The following FAAH2 variants were observed in gnomAD, a reference collection of about 807,000 sequenced individuals.
FAAH2 encodes fatty-acid amide hydrolase 2.
Under a neutral mutation model 36.9 loss-of-function variants are expected in FAAH2, and 60 were observed. The observed-to-expected ratio is 1.63, with a 90% CI of 1.32 to 2.02. The LOEUF (loss-of-function observed/expected upper bound fraction) is 2.02. Ranked by LOEUF, FAAH2 falls within the 30% of genes most tolerant of loss-of-function variation. The pLI, the probability that FAAH2 is intolerant of heterozygous loss-of-function variation, is 0.00. For missense variants in FAAH2, 689 were observed against 397.5 expected (o/e 1.73, Z -6.23); for synonymous variants, 214 against 143.8 (o/e 1.49, Z -3.49).
intron 8 of FAAH2, among the ~76,000 whole-genome samples, chrX:57,437,539 A>G (rs1325436859): frequency 9.1e-6 from 1 of 109,734 alleles, no homozygotes; most frequent in Non-Finnish European, 1.9e-5. Context: ...AAGTTTCAGG[A>G]TACAAAATAC....
chrX:57,471,214 C>T (rs2057158856), intron 10 of FAAH2, among the ~76,000 whole-genome samples: 1 of 111,761 alleles, frequency 8.9e-6, no homozygotes, highest in Non-Finnish European at 1.9e-5. Context: ...CTCACCATTC[C>T]TATTCAACAT....
At chrX:57,159,455 A>G in the FAAH2 span, among the ~76,000 whole-genome samples, 1 of 111,449 alleles carries the variant, frequency 9.0e-6, no homozygotes, top group Non-Finnish European at 1.9e-5. Context: ...CATGATATTG[A>G]TTCTTCCTAC....
Position 57,368,460 on chromosome X carries a change from T to C in FAAH2, c.743-10191T>C, listed in dbSNP as rs1030287912. ...CAAGCAGAGGACCAGCTGTATGCTC[T>C]CTTGGCACACAAAAGAGCTTGGTGG... On this transcript the variant is annotated intron_variant, in intron 5 of 10. Transcript: ENST00000374900. Among the ~76,000 whole-genome samples, 7 of 111,122 alleles carry C rather than the reference T, an allele frequency of 6.3e-5. No individual in the cohort carries two copies. In the East Asian group the frequency reaches 1.4e-3, roughly 23 times the overall value.
intron 7 of FAAH2, among the ~76,000 whole-genome samples, chrX:57,411,754 AC>A (rs1397171764): frequency 9.0e-6 from 1 of 111,313 alleles, no homozygotes; most frequent in African/African-American, 3.3e-5. Context: ...CTCTTTTGGC[AC>A]CAAGCTCTGT....
chrX:57,179,816 A>T, the FAAH2 span, among the ~76,000 whole-genome samples: 1 of 111,845 alleles, frequency 8.9e-6, no homozygotes, highest in Non-Finnish European at 1.9e-5. Context: ...CAGAATATAC[A>T]TTTTTTTCAC....
chrX:57,365,804 C>T (rs755397013), intron 5 of FAAH2, among the ~76,000 whole-genome samples: 1 of 112,079 alleles, frequency 8.9e-6, no homozygotes, highest in Non-Finnish European at 1.9e-5. Flanking sequence ...GGAGAAGTTT[C>T]TGAGTGCTGA....
intron 5 of FAAH2, among the ~76,000 whole-genome samples, chrX:57,358,573 A>G (rs1487146516): frequency 1.8e-5 from 2 of 111,044 alleles, no homozygotes; most frequent in Admixed American, 9.6e-5. Flanking sequence ...GTGTGTGTGT[A>G]TATATATAGA....
the FAAH2 span, chrX:57,127,120 A>G: frequency 2.7e-5 from 3 of 111,279 alleles, no homozygotes; most frequent in East Asian, 8.4e-4. Flanking sequence ...TTGCAGTTGA[A>G]GGCATCTTAA....
At chrX:57,415,450 A>T (rs1264127417) in intron 7 of FAAH2, among the ~76,000 whole-genome samples, 2 of 111,702 alleles carry the variant, frequency 1.8e-5, no homozygotes, top group Non-Finnish European at 3.8e-5. Context: ...GCTTCAAAGA[A>T]CTTCTTTACT....
chrX:57,270,428 A>C, the FAAH2 span, among the ~76,000 whole-genome samples: 1 of 112,283 alleles, frequency 8.9e-6, no homozygotes, highest in East Asian at 2.8e-4. Flanking sequence ...AGAAAACTTC[A>C]GGCCAATATC....
At chrX:57,125,093 G>A in the FAAH2 span, among the ~76,000 whole-genome samples, 1 of 112,575 alleles carries the variant, frequency 8.9e-6, no homozygotes, top group African/African-American at 3.2e-5. Flanking sequence ...AGTTTTCAAC[G>A]GGAATGCTTC....
At chrX:57,250,064 CTG>C in the FAAH2 span, among the ~76,000 whole-genome samples, 4 of 112,138 alleles carry the variant, frequency 3.6e-5, no homozygotes, top group Non-Finnish European at 7.5e-5. Flanking sequence ...ATTGAACAAA[CTG>C]TGAGCTTTAT....
the FAAH2 span, among the ~76,000 whole-genome samples, chrX:57,237,325 A>G: frequency 9.0e-6 from 1 of 110,916 alleles, no homozygotes; most frequent in Non-Finnish European, 1.9e-5. Flanking sequence ...TATTTGTTTT[A>G]TTTTTTATTC....
chrX:57,139,925 T>C, the FAAH2 span, among the ~76,000 whole-genome samples: 1 of 112,057 alleles, frequency 8.9e-6, no homozygotes, highest in Admixed American at 9.4e-5. Flanking sequence ...AGAGATTGAG[T>C]TTATGTATAT....
intron 9 of FAAH2, 105 bp downstream of exon 9, chrX:57,447,144 G>C: frequency 4.0e-6 from 2 of 499,406 alleles, no homozygotes; most frequent in Non-Finnish European, 6.4e-6. Context: ...CCAAAATCCA[G>C]TGGGGTACTG....
chrX:57,320,512 G>A (rs1201335328), intron 3 of FAAH2, among the ~76,000 whole-genome samples: 1 of 112,123 alleles, frequency 8.9e-6, no homozygotes, highest in Non-Finnish European at 1.9e-5. Flanking sequence ...TAAAAAGTCA[G>A]GAAGCAACAG....
At chrX:57,276,551 G>A in the FAAH2 span, among the ~76,000 whole-genome samples, 40,190 of 110,190 alleles carry the variant, frequency 0.36, 6,335 homozygotes, top group Middle Eastern at 0.62. Context: ...AAAGCTACCC[G>A]AAGGGAAGAA....
chrX:57,393,998 A>G (rs1354500574), intron 7 of FAAH2: 1 of 752,976 alleles, frequency 1.3e-6, no homozygotes. Context: ...CACTCCATTT[A>G]CTGATGGCAC....
intron 5 of FAAH2, among the ~76,000 whole-genome samples, chrX:57,354,508 C>G: frequency 9.1e-6 from 1 of 110,171 alleles, no homozygotes. Flanking sequence ...GGATACCCTG[C>G]AAGCCCTGAT....
Sources: gnomAD v4.1 joint callset for allele counts (sites outside exome capture counted in the v4.1 genomes callset) on GRCh38, gnomAD v4.1.1 for gene constraint, MANE v1.5 for transcripts, NCBI Gene and HGNC (gene_info 2026-07-23, HGNC 2026-07-21) for gene names.